Variants in RSPO2 observed in about 807,000 individuals in gnomAD.
The protein encoded by RSPO2 is R-spondin-2.
In RSPO2, 14 loss-of-function variants were observed where a neutral mutation model predicts 30.9. The observed-to-expected ratio is 0.45, with a 90% CI of 0.30 to 0.71. The LOEUF (loss-of-function observed/expected upper bound fraction) is 0.71. Ranked by LOEUF, RSPO2 falls within the 30% of genes least tolerant of loss-of-function variation. RSPO2 has a pLI of 0.08. For synonymous variants in RSPO2, 107 were observed against 96.4 expected (o/e 1.11, Z -0.64); for missense variants, 264 against 301.9 (o/e 0.87, Z 0.93).
At chr8:107,925,811 A>T (rs1812350019) in intron 5 of RSPO2, among the ~76,000 whole-genome samples, 1 of 152,132 alleles carries the variant, frequency 6.6e-6, no homozygotes, top group Non-Finnish European at 1.5e-5. Flanking sequence ...TCATTGTTGG[A>T]CATCTGGGTT....
intron 2 of RSPO2, among the ~76,000 whole-genome samples, chr8:108,068,800 G>A (rs1197477000): frequency 1.3e-5 from 2 of 152,192 alleles, no homozygotes; most frequent in Non-Finnish European, 2.9e-5. Context: ...CCAGAGGCTG[G>A]AAGAAACAAG....
At chr8:107,971,463 G>A (rs1426821924) in intron 3 of RSPO2, among the ~76,000 whole-genome samples, 1 of 152,170 alleles carries the variant, frequency 6.6e-6, no homozygotes, top group African/African-American at 2.4e-5. Context: ...AATGCCCTTT[G>A]AGTTTTCCAT....
At chr8:107,916,603 T>C (rs192195949) in intron 5 of RSPO2, among the ~76,000 whole-genome samples, 17 of 152,320 alleles carry the variant, frequency 1.1e-4, no homozygotes, top group African/African-American at 4.1e-4. Flanking sequence ...AAAGGAAATG[T>C]AATTTTTTCT....
At chr8:107,953,088 T>C (rs1220287633) in intron 5 of RSPO2, among the ~76,000 whole-genome samples, 1 of 152,154 alleles carries the variant, frequency 6.6e-6, no homozygotes, top group African/African-American at 2.4e-5. Flanking sequence ...TATCCCAGTA[T>C]ATGACAAAGC....
At chr8:108,072,556 T>A (rs952388257) in intron 2 of RSPO2, among the ~76,000 whole-genome samples, 1 of 148,980 alleles carries the variant, frequency 6.7e-6, no homozygotes, top group Non-Finnish European at 1.5e-5. Flanking sequence ...GCCAGGATAG[T>A]CTCGATCTCC....
chr8:108,060,441 A>AGATGAAATG lies in RSPO2; in HGVS notation c.94+22095_94+22103dup, dbSNP rs561418460. Among the ~76,000 whole-genome samples, 215 of 151,990 alleles carry AGATGAAATG rather than the reference A, an allele frequency of 1.4e-3. 7 individuals are homozygous for AGATGAAATG. Among genetic ancestry groups the AGATGAAATG allele is most frequent in the African/African-American group, 5.1e-3 (209 of 41,258 alleles). On this transcript the variant is annotated intron_variant, in intron 2 of 5. Coordinates refer to ENST00000276659, the MANE Select transcript of RSPO2 (RefSeq NM_178565.5). ...CTGGAAAAAGGGTATCAGTGATTGA[A>AGATGAAATG]GATGAAATGAATGAAATGAAGCGAG...
At chr8:107,929,913 A>G (rs1179749674) in intron 5 of RSPO2, among the ~76,000 whole-genome samples, 2 of 152,198 alleles carry the variant, frequency 1.3e-5, no homozygotes, top group African/African-American at 4.8e-5. Context: ...CCTCACCCCA[A>G]TTCAGTTCTA....
Position 107,899,493 on chromosome 8 carries a change from T to C in RSPO2, c.*1582A>G, listed in dbSNP as rs1308959373. The C allele has an allele frequency of 1.3e-5, 2 of 152,618 alleles. No homozygotes were observed. The highest frequency in any genetic ancestry group is 4.8e-5 in the African/African-American group (2 of 41,458). 9.5% of individuals were successfully genotyped at this position (152,618 alleles called of 1,614,324 possible). ...ATTAAATGTAAACCCTAAAGTTGTA[T>C]ACAACATTCATATGTGGCTTATTAT... On this transcript the variant is annotated 3_prime_UTR_variant, in exon 6 of 6. Coordinates refer to ENST00000276659, the MANE Select transcript of RSPO2 (RefSeq NM_178565.5).
At chr8:108,019,967 A>T (rs1485556720) in intron 2 of RSPO2, among the ~76,000 whole-genome samples, 1 of 152,098 alleles carries the variant, frequency 6.6e-6, no homozygotes, top group Non-Finnish European at 1.5e-5. Context: ...TGCCTGACAG[A>T]AAAAATACTG....
chr8:108,021,192 T>C (rs1811048055), intron 2 of RSPO2, among the ~76,000 whole-genome samples: 1 of 152,182 alleles, frequency 6.6e-6, no homozygotes, highest in South Asian at 2.1e-4. Flanking sequence ...TTGAACAATT[T>C]TATGTTATAT....
chr8:107,982,620 G>T (rs1242534800), intron 3 of RSPO2, among the ~76,000 whole-genome samples: 1 of 152,120 alleles, frequency 6.6e-6, no homozygotes, highest in Non-Finnish European at 1.5e-5. Flanking sequence ...AGGAAGAAGA[G>T]AATGAGTGTA....
At chr8:107,988,851 C>A (rs1181061748) in intron 3 of RSPO2, among the ~76,000 whole-genome samples, 1 of 152,178 alleles carries the variant, frequency 6.6e-6, no homozygotes. Flanking sequence ...TGGTCTCCAA[C>A]TCCTGGCCTC....
intron 2 of RSPO2, among the ~76,000 whole-genome samples, chr8:108,063,856 G>C (rs752938932): frequency 4.6e-5 from 7 of 152,074 alleles, no homozygotes; most frequent in Non-Finnish European, 8.8e-5. Context: ...ACAGAACAGA[G>C]CCCTCAGAAA....
intron 2 of RSPO2, among the ~76,000 whole-genome samples, chr8:108,071,197 A>C (rs1219914090): frequency 1.3e-5 from 2 of 152,194 alleles, no homozygotes; most frequent in East Asian, 3.9e-4. Flanking sequence ...AATTACACTA[A>C]ACTTATGATT....
intron 2 of RSPO2, among the ~76,000 whole-genome samples, chr8:108,050,697 C>T (rs534513296): frequency 1.1e-4 from 16 of 152,270 alleles, no homozygotes; most frequent in African/African-American, 3.4e-4. Context: ...GCAGGGAAAA[C>T]GGCTGCCACT....
intron 2 of RSPO2, among the ~76,000 whole-genome samples, chr8:108,015,326 G>T (rs1002516068): frequency 6.6e-6 from 1 of 152,074 alleles, no homozygotes; most frequent in African/African-American, 2.4e-5. Context: ...TTTATCTCAC[G>T]TTCTAATCAT....
intron 2 of RSPO2, among the ~76,000 whole-genome samples, chr8:108,064,699 T>C (rs1812601269): frequency 6.6e-6 from 1 of 152,206 alleles, no homozygotes; most frequent in Non-Finnish European, 1.5e-5. Context: ...TTATAAATCA[T>C]GCTGCTATAA....
Position 107,993,325 on chromosome 8 carries a change from G to A in RSPO2, c.95-4081C>T, listed in dbSNP as rs201629872. Among the ~76,000 whole-genome samples the A allele has an allele frequency of 1.8e-4, 27 of 152,158 alleles. No homozygotes were observed. The East Asian group carries it at 4.1e-3, about 23-fold the overall frequency. On this transcript the variant is annotated intron_variant, in intron 2 of 5. Transcript: ENST00000276659. ...AAATATGGGTAGGAAGAAACAATCC[G>A]AATATCTATGAACAGAATAGACAAA...
chr8:107,959,065 C>T (rs1813534315), intron 4 of RSPO2, among the ~76,000 whole-genome samples: 1 of 152,162 alleles, frequency 6.6e-6, no homozygotes, highest in African/African-American at 2.4e-5. Flanking sequence ...ACACTATTTC[C>T]TGTCATGACA....
Sources: gnomAD v4.1 joint callset for allele counts (sites outside exome capture counted in the v4.1 genomes callset) on GRCh38, gnomAD v4.1.1 for gene constraint, MANE v1.5 for transcripts, NCBI Gene and HGNC (gene_info 2026-07-23, HGNC 2026-07-21) for gene names.